Variants in POFUT3 observed in about 807,000 individuals in gnomAD.
The protein encoded by POFUT3 is protein O-fucosyltransferase 3.
chr8:33,372,839 A>T, the POFUT3 span: 1 of 1,588,888 alleles, frequency 6.3e-7, no homozygotes, highest in South Asian at 1.1e-5. Flanking sequence ...AATTAAAAAC[A>T]TATGATAATG....
the POFUT3 span, among the ~76,000 whole-genome samples, chr8:33,458,703 G>T: frequency 6.6e-6 from 1 of 151,856 alleles, no homozygotes; most frequent in African/African-American, 2.4e-5. Context: ...AAGAGAGCAA[G>T]ACTCCGTCTC....
At chr8:33,462,878 C>T in the POFUT3 span, among the ~76,000 whole-genome samples, 5 of 152,114 alleles carry the variant, frequency 3.3e-5, no homozygotes, top group South Asian at 1.0e-3. Context: ...CTGCAGTAAG[C>T]CGTGACTGCA....
chr8:33,438,513 G>A, the POFUT3 span, among the ~76,000 whole-genome samples: 1 of 152,224 alleles, frequency 6.6e-6, no homozygotes, highest in African/African-American at 2.4e-5. Flanking sequence ...TTGAGCACAG[G>A]AGGTTGAAAC....
chr8:33,351,969 T>A, the POFUT3 span, among the ~76,000 whole-genome samples: 3,582 of 152,290 alleles, frequency 0.024, 123 homozygotes, highest in African/African-American at 0.083. Context: ...GGGGTTCACA[T>A]TGAGACAAAA....
chr8:33,343,409 GTGTCTGCCA>G, the POFUT3 span, among the ~76,000 whole-genome samples: 1 of 152,336 alleles, frequency 6.6e-6, no homozygotes, highest in Non-Finnish European at 1.5e-5. Flanking sequence ...TTGATTACAG[GTGTCTGCCA>G]TGAATGTAAC....
the POFUT3 span, among the ~76,000 whole-genome samples, chr8:33,343,245 C>A: frequency 6.6e-6 from 1 of 152,204 alleles, no homozygotes; most frequent in South Asian, 2.1e-4. Context: ...GATCTCTGTC[C>A]TGACCTCTGT....
At chr8:33,458,427 A>T in the POFUT3 span, among the ~76,000 whole-genome samples, 7,644 of 152,252 alleles carry the variant, frequency 0.05, 325 homozygotes, top group African/African-American at 0.11. Context: ...TAAAAACAGG[A>T]ATGGAGGCCA....
At chr8:33,377,980 C>T in the POFUT3 span, among the ~76,000 whole-genome samples, 1 of 152,286 alleles carries the variant, frequency 6.6e-6, no homozygotes, top group African/African-American at 2.4e-5. Context: ...AAACAGGTAA[C>T]AAGAAATCAG....
chr8:33,325,159 G>A, the POFUT3 span, among the ~76,000 whole-genome samples: 27 of 152,188 alleles, frequency 1.8e-4, no homozygotes, highest in African/African-American at 3.6e-4. Context: ...CCCACATCCC[G>A]TTCTTCCCTT....
chr8:33,404,604 C>T, the POFUT3 span, among the ~76,000 whole-genome samples: 1 of 152,034 alleles, frequency 6.6e-6, no homozygotes, highest in African/African-American at 2.4e-5. Context: ...AAATAAATGC[C>T]TTTATTGCTA....
the POFUT3 span, among the ~76,000 whole-genome samples, chr8:33,320,975 C>T: frequency 2.6e-5 from 4 of 152,066 alleles, no homozygotes; most frequent in South Asian, 2.1e-4. Flanking sequence ...CTCATTGGAA[C>T]GCCATTTTTA....
chr8:33,367,063 G>A, the POFUT3 span, among the ~76,000 whole-genome samples: 1 of 152,096 alleles, frequency 6.6e-6, no homozygotes, highest in East Asian at 1.9e-4. Context: ...GGCCAACAAG[G>A]AGAAGCCCTG....
chr8:33,446,049 G>C, the POFUT3 span, among the ~76,000 whole-genome samples: 1 of 152,136 alleles, frequency 6.6e-6, no homozygotes, highest in African/African-American at 2.4e-5. Context: ...ACTCTGACAG[G>C]CTCCAGAAAG....
At chr8:33,384,377 C>T in the POFUT3 span, among the ~76,000 whole-genome samples, 1 of 152,188 alleles carries the variant, frequency 6.6e-6, no homozygotes, top group African/African-American at 2.4e-5. Flanking sequence ...TATCTAGTCT[C>T]TAGTCTCCCA....
chr8:33,397,568 C>T, the POFUT3 span, among the ~76,000 whole-genome samples: 2 of 152,234 alleles, frequency 1.3e-5, no homozygotes, highest in Middle Eastern at 3.4e-3. Flanking sequence ...GGGGCTGAGA[C>T]GGCCTTAAGG....
the POFUT3 span, among the ~76,000 whole-genome samples, chr8:33,416,824 C>T: frequency 6.6e-5 from 8 of 120,314 alleles, no homozygotes; most frequent in Admixed American, 2.1e-4. Context: ...CCAGCCTGGG[C>T]GACGACAAAA....
chr8:33,330,065 G>A, the POFUT3 span, among the ~76,000 whole-genome samples: 2 of 152,242 alleles, frequency 1.3e-5, no homozygotes, highest in Admixed American at 1.3e-4. Context: ...AGGCAAGTTG[G>A]AAAAGGGGAA....
chr8:33,346,645 TATA>T, the POFUT3 span, among the ~76,000 whole-genome samples: 1 of 152,192 alleles, frequency 6.6e-6, no homozygotes, highest in African/African-American at 2.4e-5. Context: ...AAATCAGAGG[TATA>T]ATGTTTCCAT....
At chr8:33,325,324 C>G in the POFUT3 span, among the ~76,000 whole-genome samples, 1 of 152,144 alleles carries the variant, frequency 6.6e-6, no homozygotes, top group Admixed American at 6.5e-5. Context: ...AGTCCACCCC[C>G]AATCAGAATT....
Sources: allele counts gnomAD v4.1 joint callset (sites outside exome capture counted in the v4.1 genomes callset), GRCh38; gene constraint gnomAD v4.1.1; transcripts MANE v1.5; gene names NCBI Gene and HGNC (gene_info 2026-07-23, HGNC 2026-07-21).